TMCC3: variants seen among roughly 807,000 people sequenced by gnomAD.
The protein encoded by TMCC3 is transmembrane and coiled-coil domain family 3, also known as transmembrane and coiled-coil domain protein 3.
TMCC3 carries 28 observed loss-of-function variants against 40.2 expected under a neutral mutation model. That is an observed-to-expected ratio of 0.70 (90% CI 0.52 to 0.95). TMCC3 has a LOEUF of 0.95. Among genes scored for constraint, TMCC3 ranks in the 40% least tolerant of loss-of-function variants. The pLI is 0.00. For synonymous variants in TMCC3, 255 were observed against 248.5 expected (o/e 1.03, Z -0.25); for missense variants, 554 against 615.2 (o/e 0.90, Z 1.05).
At chr12:94,630,480 A>AT (rs1014336434) in intron 1 of TMCC3, among the ~76,000 whole-genome samples, 3 of 152,016 alleles carry the variant, frequency 2.0e-5, no homozygotes, top group Non-Finnish European at 2.9e-5. Context: ...ACTTAGTGGG[A>AT]TGATCCTGGA....
rs562845852 is a variant in TMCC3, at chr12:94,620,366, C to T, written c.78+29987G>A. 2.1e-4 allele frequency among the ~76,000 whole-genome samples: 32 copies of T among 151,258 alleles called. 1 individual carries two copies. Among genetic ancestry groups the T allele is most frequent in the Admixed American group, 5.9e-4 (9 of 15,198 alleles). On this transcript the variant is annotated intron_variant, in intron 1 of 3. Transcript: ENST00000261226. ...GTAATGGCGCGATCTCGGCTCACTG[C>T]AACCTTCGCCTCCCAAGTTTAAGCG... is the stretch of plus-strand genomic sequence containing the variant.
chr12:94,614,543 C>T (rs1375616534), intron 1 of TMCC3, among the ~76,000 whole-genome samples: 1 of 152,160 alleles, frequency 6.6e-6, no homozygotes, highest in Non-Finnish European at 1.5e-5. Flanking sequence ...GCCCTGTTCC[C>T]ACATCTTTTT....
chr12:94,606,645 A>G (rs1459783506), intron 1 of TMCC3, among the ~76,000 whole-genome samples: 1 of 152,148 alleles, frequency 6.6e-6, no homozygotes, highest in Non-Finnish European at 1.5e-5. Context: ...GAAAGAGTAC[A>G]AAGAGAGGAA....
At chr12:94,644,939 G>A (rs2069009935) in intron 1 of TMCC3, among the ~76,000 whole-genome samples, 1 of 152,182 alleles carries the variant, frequency 6.6e-6, no homozygotes, top group African/African-American at 2.4e-5. Flanking sequence ...TATACTACAG[G>A]TGGCACTCAC....
chr12:94,583,041 C>T (rs2068616388), intron 1 of TMCC3, among the ~76,000 whole-genome samples: 1 of 144,146 alleles, frequency 6.9e-6, no homozygotes, highest in Admixed American at 7.3e-5. Context: ...CGAGCAGGTA[C>T]ATCCATCAAA....
Position 94,578,476 on chromosome 12 carries a change from T to C in TMCC3, c.1049A>G (p.Glu350Gly). ...LHDLTDLHQH[E>G]TANLKQELAS... ...CAGCTCCTGCTTCAGGTTGGCTGTCTCATGCTGATGCAGGTCCGTCAGGTC... is the reference window on the plus strand; with the variant it reads ...CAGCTCCTGCTTCAGGTTGGCTGTCCCATGCTGATGCAGGTCCGTCAGGTC... Residue 350 changes from glutamate to glycine, a missense_variant, in exon 3 of 4, where the codon GAG becomes GGG. Coordinates refer to ENST00000261226, the MANE Select transcript of TMCC3 (RefSeq NM_020698.4). The C allele has an allele frequency of 6.2e-7, 1 of 1,614,180 alleles. No individual in the cohort carries two copies. The highest frequency in any genetic ancestry group is 8.5e-7 in the Non-Finnish European group (1 of 1,180,014).
At chr12:94,602,744 T>C (rs542334981) in intron 1 of TMCC3, among the ~76,000 whole-genome samples, 13 of 152,296 alleles carry the variant, frequency 8.5e-5, no homozygotes, top group Admixed American at 7.8e-4. Context: ...TGCACCATCA[T>C]GCCCAGGTGG....
At position 94,571,067 on chromosome 12, in the gene TMCC3, A is replaced by G. The variant is rs1427758723; in HGVS notation, c.*368T>C. The G allele has an allele frequency of 4.3e-6, 1 of 230,084 alleles. No homozygotes were observed. 14.3% of individuals were successfully genotyped at this position (230,084 alleles called of 1,614,324 possible). A position where few individuals can be genotyped will look rare whatever the true frequency, so the allele number is the denominator to read the frequency against. Reference sequence around the variant, plus strand: ...ATAGGACTCACAGAAAACAACCATTAGCAATTGTGAAGCTCAATTCTGACA... The same window carrying G: ...ATAGGACTCACAGAAAACAACCATTGGCAATTGTGAAGCTCAATTCTGACA... On this transcript the variant is annotated 3_prime_UTR_variant, in exon 4 of 4. Coordinates refer to ENST00000261226, the MANE Select transcript of TMCC3 (RefSeq NM_020698.4).
At chr12:94,599,633 T>G (rs2068740891) in intron 1 of TMCC3, among the ~76,000 whole-genome samples, 1 of 150,072 alleles carries the variant, frequency 6.7e-6, no homozygotes, top group South Asian at 2.1e-4. Flanking sequence ...TAATTTGACT[T>G]GTATAAAGGT....
chr12:94,604,558 C>A (rs925972841), intron 1 of TMCC3, among the ~76,000 whole-genome samples: 1 of 150,744 alleles, frequency 6.6e-6, no homozygotes, highest in African/African-American at 2.4e-5. Flanking sequence ...GTAATCCCAG[C>A]ACTCTGGGGA....
chr12:94,587,016 C>T (rs755527908), intron 1 of TMCC3, among the ~76,000 whole-genome samples: 3 of 152,212 alleles, frequency 2.0e-5, no homozygotes. Context: ...TGAGAGACAG[C>T]TACACCTATC....
chr12:94,619,165 T>C (rs1190675560), intron 1 of TMCC3, among the ~76,000 whole-genome samples: 2 of 152,044 alleles, frequency 1.3e-5, no homozygotes, highest in Non-Finnish European at 2.9e-5. Context: ...ACACTGGAGG[T>C]GGTGTTTAAA....
chr12:94,586,607 T>A (rs923943078), intron 1 of TMCC3, among the ~76,000 whole-genome samples: 7 of 151,848 alleles, frequency 4.6e-5, no homozygotes, highest in Non-Finnish European at 8.8e-5. Context: ...GTAGAAAGGT[T>A]TTCATATTTT....
At chr12:94,634,032 G>A (rs1375012951) in intron 1 of TMCC3, among the ~76,000 whole-genome samples, 7 of 150,558 alleles carry the variant, frequency 4.6e-5, no homozygotes, top group Non-Finnish European at 7.4e-5. Context: ...TGCAACCTCC[G>A]CCTCCCGGGT....
In TMCC3 at chr12:94,615,865, C is replaced by T. The variant is rs572454380; in HGVS notation, c.79-33327G>A. On this transcript the variant is annotated intron_variant, in intron 1 of 3. Coordinates refer to ENST00000261226, the MANE Select transcript of TMCC3 (RefSeq NM_020698.4). The stretch of plus-strand genomic sequence containing the variant: ...TCCCAGGATATTAAAGACCACAAAG[C>T]TCCACAATACATATTTACACACTCT... 4.3e-6 allele frequency: 4 copies of T among 932,536 alleles called. No individual in the cohort carries two copies. In the South Asian group the frequency reaches 2.0e-4, roughly 46 times the overall value. 57.8% of individuals were successfully genotyped at this position (932,536 alleles called of 1,614,324 possible). A position where few individuals can be genotyped will look rare whatever the true frequency, so the allele number is the denominator to read the frequency against.
At chr12:94,634,270 C>T (rs1238151650) in intron 1 of TMCC3, among the ~76,000 whole-genome samples, 1 of 152,028 alleles carries the variant, frequency 6.6e-6, no homozygotes, top group African/African-American at 2.4e-5. Flanking sequence ...TCTTATTTAT[C>T]TATCTGTTAC....
At chr12:94,646,962 G>A (rs1317839270) in intron 1 of TMCC3, among the ~76,000 whole-genome samples, 1 of 152,092 alleles carries the variant, frequency 6.6e-6, no homozygotes, top group East Asian at 1.9e-4. Flanking sequence ...AGTGGCTGGA[G>A]AGGGCATTTT....
chr12:94,649,177 G>T (rs779038306), intron 1 of TMCC3, among the ~76,000 whole-genome samples: 1 of 152,202 alleles, frequency 6.6e-6, no homozygotes, highest in Non-Finnish European at 1.5e-5. Context: ...ATTAACAGAT[G>T]CTAAAGGAAA....
At chr12:94,639,744 A>G (rs934948174) in intron 1 of TMCC3, among the ~76,000 whole-genome samples, 2 of 146,636 alleles carry the variant, frequency 1.4e-5, no homozygotes, top group African/African-American at 5.0e-5. Context: ...TTAGAAAAGG[A>G]AGCCAAAATC....
Sources: gnomAD v4.1 joint callset for allele counts (sites outside exome capture counted in the v4.1 genomes callset) on GRCh38, gnomAD v4.1.1 for gene constraint, MANE v1.5 for transcripts, NCBI Gene and HGNC (gene_info 2026-07-23, HGNC 2026-07-21) for gene names.